The following ROBO1 variants were observed in gnomAD, a reference collection of about 807,000 sequenced individuals.
ROBO1 encodes roundabout homolog 1.
A neutral mutation model predicts 195.9 loss-of-function variants in ROBO1; 149 were observed. The ratio of observed to expected loss-of-function variants is 0.76; its 90% CI spans 0.67 to 0.87. The LOEUF (loss-of-function observed/expected upper bound fraction) is 0.87, where lower values mean the gene tolerates loss of function less well. Ranked by LOEUF, ROBO1 falls within the 40% of genes least tolerant of loss-of-function variation. ROBO1 has a pLI of 0.00. For synonymous variants in ROBO1, 816 were observed against 733.2 expected (o/e 1.11, Z -1.82); for missense variants, 1,933 against 2,068.3 (o/e 0.93, Z 1.27).
intron 5 of ROBO1, among the ~76,000 whole-genome samples, chr3:78,727,811 A>G (rs1278859068): frequency 6.6e-6 from 1 of 152,160 alleles, no homozygotes; most frequent in Non-Finnish European, 1.5e-5. Flanking sequence ...AATCATTGAT[A>G]GAGAGAAACT....
chr3:78,634,070 A>C (rs757299763), intron 23 of ROBO1, 28 bp from the exon 24 acceptor site: 2 of 1,451,876 alleles, frequency 1.4e-6, no homozygotes, highest in South Asian at 1.2e-5. Flanking sequence ...AAAAACAATA[A>C]ACATTTATTT....
intron 26 of ROBO1, among the ~76,000 whole-genome samples, chr3:78,620,263 G>A (rs1005421530): frequency 4.6e-5 from 7 of 152,038 alleles, no homozygotes; most frequent in African/African-American, 7.2e-5. Flanking sequence ...GTGTGCACCT[G>A]TAATCCCAGC....
At chr3:78,645,654 A>G (rs1451787106) in intron 21 of ROBO1, among the ~76,000 whole-genome samples, 1 of 152,114 alleles carries the variant, frequency 6.6e-6, no homozygotes, top group Non-Finnish European at 1.5e-5. Context: ...ATTCTTTGTT[A>G]ACAAGTTACC....
chr3:78,952,044 TTTTG>T lies in ROBO1; in HGVS notation c.173-13121_173-13118del, dbSNP rs1466827667. Among the ~76,000 whole-genome samples the T allele has an allele frequency of 4.0e-5, 6 of 151,762 alleles. No individual in the cohort carries two copies. In the South Asian group the frequency reaches 1.2e-3, roughly 31 times the overall value. ...CATGACATTAATATTTACCTTATGG[TTTTG>T]TTTATTTGTGTTTCAGGTCTGTTTC... On this transcript the variant is annotated intron_variant, in intron 3 of 30. Coordinates refer to ENST00000464233, the MANE Select transcript of ROBO1 (RefSeq NM_002941.4).
intron 3 of ROBO1, among the ~76,000 whole-genome samples, chr3:78,948,951 A>C (rs2107758511): frequency 6.6e-6 from 1 of 151,774 alleles, no homozygotes. Flanking sequence ...TCCAACTTAC[A>C]AGGGATGTGA....
intron 4 of ROBO1, among the ~76,000 whole-genome samples, chr3:78,830,885 TTG>T (rs2032122125): frequency 6.6e-6 from 1 of 150,576 alleles, no homozygotes; most frequent in South Asian, 2.1e-4. Flanking sequence ...TTGTTGTTTT[TTG>T]TGTTTTTTGT....
intron 4 of ROBO1, among the ~76,000 whole-genome samples, chr3:78,814,200 TTTA>T (rs2084830256): frequency 1.3e-5 from 2 of 152,214 alleles, no homozygotes; most frequent in Admixed American, 1.3e-4. Flanking sequence ...AAAGAAATTA[TTTA>T]TTATCTATGT....
intron 1 of ROBO1, among the ~76,000 whole-genome samples, chr3:79,712,684 TG>T (rs1043097691): frequency 6.6e-6 from 1 of 152,008 alleles, no homozygotes; most frequent in Admixed American, 6.6e-5. Flanking sequence ...AGCCTTCAAC[TG>T]GAAAAAAAAT....
rs2081429137 is a variant in ROBO1 at position 79,185,892 on chromosome 3, T to C, written c.89-60353A>G. Among the ~76,000 whole-genome samples, 5 of 152,178 alleles carry C rather than the reference T, an allele frequency of 3.3e-5. No individual in the cohort carries two copies. In the South Asian group the frequency reaches 1.0e-3, roughly 31 times the overall value. On this transcript the variant is annotated intron_variant, in intron 2 of 30. Transcript: ENST00000464233. ...AATTCTCTATATCTCTGTGTATTTA[T>C]ATATAATGTGTAAATTTTATGTCAC...
intron 2 of ROBO1, among the ~76,000 whole-genome samples, chr3:79,508,281 A>G (rs1278024124): frequency 1.3e-5 from 2 of 152,152 alleles, no homozygotes; most frequent in African/African-American, 4.8e-5. Flanking sequence ...AGAGGAGATT[A>G]GGACAGAGGC....
chr3:78,662,211 A>C, intron 14 of ROBO1, 97 bp from the exon 15 acceptor site: 147 of 1,063,924 alleles, frequency 1.4e-4, no homozygotes, highest in Non-Finnish European at 1.9e-4. Flanking sequence ...AGCAACTCTC[A>C]GTAAAGAAGA....
At chr3:78,742,937 T>A (rs998977033) in intron 5 of ROBO1, among the ~76,000 whole-genome samples, 1 of 152,124 alleles carries the variant, frequency 6.6e-6, no homozygotes, top group African/African-American at 2.4e-5. Flanking sequence ...AATTACATAT[T>A]TTGGCATAAG....
At chr3:79,526,715 A>G (rs182765507) in intron 2 of ROBO1, 1 of 152,304 alleles carries the variant, frequency 6.6e-6, no homozygotes, top group Non-Finnish European at 1.5e-5. Flanking sequence ...TTGTCTAAGT[A>G]TTCACTGATC....
At chr3:79,763,726 AG>A (rs1704834585) in intron 1 of ROBO1, among the ~76,000 whole-genome samples, 1 of 152,262 alleles carries the variant, frequency 6.6e-6, no homozygotes, top group Non-Finnish European at 1.5e-5. Context: ...GGTGGCAGAT[AG>A]GGGTGGGGTA....
At chr3:78,910,884 T>C (rs1332614078) in intron 4 of ROBO1, among the ~76,000 whole-genome samples, 1 of 151,990 alleles carries the variant, frequency 6.6e-6, no homozygotes, top group East Asian at 1.9e-4. Flanking sequence ...TGGGCAATAC[T>C]TGGGAACTTG....
chr3:79,267,735 T>C (rs1290451674), intron 2 of ROBO1, among the ~76,000 whole-genome samples: 5 of 151,514 alleles, frequency 3.3e-5, no homozygotes, highest in Non-Finnish European at 7.4e-5. Context: ...TTTCTGTCAT[T>C]GATCTGTTTT....
At chr3:78,886,362 C>T (rs2036571599) in intron 4 of ROBO1, among the ~76,000 whole-genome samples, 2 of 151,922 alleles carry the variant, frequency 1.3e-5, no homozygotes, top group South Asian at 2.1e-4. Context: ...TTTGGGAGGC[C>T]GAGGCGGGTG....
intron 19 of ROBO1, among the ~76,000 whole-genome samples, chr3:78,648,395 C>T (rs1008165056): frequency 3.3e-5 from 5 of 151,974 alleles, no homozygotes; most frequent in African/African-American, 1.2e-4. Flanking sequence ...TAGAAGTAGG[C>T]TGGACATTCT....
rs554708453 is a variant in ROBO1 at position 79,437,745 on chromosome 3, A to C, written c.88+152079T>G. On this transcript the variant is annotated intron_variant, in intron 2 of 30. Coordinates refer to ENST00000464233, the MANE Select transcript of ROBO1 (RefSeq NM_002941.4). ...AGATATTAGCATAAAGGTTGTGTAT[A>C]GTGGGAGTTGGTGATGAGAGTGGGG... Among the ~76,000 whole-genome samples the C allele has an allele frequency of 2.6e-5, 4 of 151,980 alleles. No homozygotes were observed. The South Asian group carries it at 8.3e-4, about 31-fold the overall frequency.
Sources: gnomAD v4.1 joint callset for allele counts (sites outside exome capture counted in the v4.1 genomes callset) on GRCh38, gnomAD v4.1.1 for gene constraint, MANE v1.5 for transcripts, NCBI Gene and HGNC (gene_info 2026-07-23, HGNC 2026-07-21) for gene names.